NEGR1: variants seen among roughly 807,000 people sequenced by gnomAD.
The protein encoded by NEGR1 is IgLON family member 4.
A neutral mutation model predicts 40.9 loss-of-function variants in NEGR1; 10 were observed. The ratio of observed to expected loss-of-function variants is 0.24; its 90% CI spans 0.15 to 0.42. The LOEUF (loss-of-function observed/expected upper bound fraction) is 0.42. NEGR1 is among the 10% of genes least tolerant of loss of function. NEGR1 has a pLI of 1.00. For missense variants in NEGR1, 352 were observed against 438.9 expected (o/e 0.80, Z 1.77); for synonymous variants, 185 against 166.8 (o/e 1.11, Z -0.84).
chr1:71,994,919 C>T (rs990164832), intron 1 of NEGR1, among the ~76,000 whole-genome samples: 4 of 149,710 alleles, frequency 2.7e-5, no homozygotes, highest in African/African-American at 9.9e-5. Flanking sequence ...ATCAAACTTC[C>T]TGCCAGGCAT....
chr1:71,870,188 T>C (rs1369219064), intron 2 of NEGR1, among the ~76,000 whole-genome samples: 3 of 152,158 alleles, frequency 2.0e-5, no homozygotes, highest in Non-Finnish European at 2.9e-5. Flanking sequence ...CCTGGATAGC[T>C]TTTATGAAGT....
intron 1 of NEGR1, among the ~76,000 whole-genome samples, chr1:72,025,235 CACA>C (rs1333113939): frequency 6.6e-6 from 1 of 152,082 alleles, no homozygotes; most frequent in Non-Finnish European, 1.5e-5. Context: ...TCAATCTATT[CACA>C]ACATTTAAAA....
At chr1:71,455,080 T>C (rs909032746) in intron 6 of NEGR1, among the ~76,000 whole-genome samples, 1 of 152,200 alleles carries the variant, frequency 6.6e-6, no homozygotes, top group Non-Finnish European at 1.5e-5. Context: ...AAATGATTCA[T>C]TGAGTCCAAT....
chr1:71,629,778 T>A (rs1461172128), intron 4 of NEGR1, among the ~76,000 whole-genome samples: 1 of 151,962 alleles, frequency 6.6e-6, no homozygotes, highest in African/African-American at 2.4e-5. Context: ...GGATACAAAA[T>A]CAATGTGCAA....
intron 6 of NEGR1, among the ~76,000 whole-genome samples, chr1:71,500,400 T>C (rs964784983): frequency 6.6e-6 from 1 of 152,052 alleles, no homozygotes; most frequent in African/African-American, 2.4e-5. Context: ...GTTTTTATTA[T>C]TTAATAAGAT....
At chr1:72,120,672 C>A (rs1447475399) in intron 1 of NEGR1, among the ~76,000 whole-genome samples, 3 of 152,040 alleles carry the variant, frequency 2.0e-5, no homozygotes, top group East Asian at 1.9e-4. Flanking sequence ...ACCTCCACCC[C>A]ACAACAGTCC....
At position 71,407,432 on chromosome 1, in the gene NEGR1, A is replaced by G; in HGVS notation, c.*14T>C. On this transcript the variant is annotated 3_prime_UTR_variant, in exon 7 of 7. Coordinates refer to ENST00000357731, the MANE Select transcript of NEGR1 (RefSeq NM_173808.3). ...TTCAGAGAATCCTTAAAAGCCTTTTATGGGTCTTTGAATTTATTGTAGAAT... is the reference window on the plus strand; with the variant it reads ...TTCAGAGAATCCTTAAAAGCCTTTTGTGGGTCTTTGAATTTATTGTAGAAT... 2 of 1,610,640 alleles carry G rather than the reference A, an allele frequency of 1.2e-6. No individual in the cohort carries two copies. The highest frequency in any genetic ancestry group is 1.7e-6 in the Non-Finnish European group (2 of 1,177,808).
chr1:71,677,460 T>C (rs1652682022), intron 4 of NEGR1, among the ~76,000 whole-genome samples: 1 of 152,202 alleles, frequency 6.6e-6, no homozygotes, highest in Non-Finnish European at 1.5e-5. Flanking sequence ...TTTTATTTGA[T>C]TTCTGCTACA....
At chr1:72,172,541 A>G (rs1410702939) in intron 1 of NEGR1, among the ~76,000 whole-genome samples, 7 of 152,154 alleles carry the variant, frequency 4.6e-5, no homozygotes. Flanking sequence ...TTAAAAATCC[A>G]TTTTTCATCA....
intron 1 of NEGR1, among the ~76,000 whole-genome samples, chr1:72,277,602 G>T (rs773622977): frequency 6.6e-6 from 1 of 151,970 alleles, no homozygotes; most frequent in Non-Finnish European, 1.5e-5. Context: ...ATCAATATAG[G>T]TAACATTTAG....
intron 6 of NEGR1, among the ~76,000 whole-genome samples, chr1:71,447,212 T>C (rs1023082998): frequency 6.6e-6 from 1 of 152,160 alleles, no homozygotes; most frequent in African/African-American, 2.4e-5. Context: ...GTCATGAGCC[T>C]CTAATGCCTC....
intron 1 of NEGR1, among the ~76,000 whole-genome samples, chr1:71,963,261 G>C (rs1478669487): frequency 6.6e-6 from 1 of 151,990 alleles, no homozygotes; most frequent in Non-Finnish European, 1.5e-5. Context: ...TTATTTACAA[G>C]AGAAGACCTA....
At chr1:72,228,793 T>C (rs541318752) in intron 1 of NEGR1, among the ~76,000 whole-genome samples, 2 of 152,242 alleles carry the variant, frequency 1.3e-5, no homozygotes, top group South Asian at 4.1e-4. Context: ...AATAGTCTAA[T>C]TCTGTGGCAT....
At chr1:71,946,462 C>T (rs530555496) in intron 1 of NEGR1, among the ~76,000 whole-genome samples, 25 of 152,142 alleles carry the variant, frequency 1.6e-4, no homozygotes, top group African/African-American at 5.1e-4. Flanking sequence ...TAAAATAAAA[C>T]CGTAAGTTCT....
chr1:71,728,885 C>T (rs1471761240), intron 3 of NEGR1, among the ~76,000 whole-genome samples: 2 of 152,110 alleles, frequency 1.3e-5, no homozygotes, highest in African/African-American at 4.8e-5. Context: ...GATGGTCCAC[C>T]TGGGAGAGGA....
intron 6 of NEGR1, among the ~76,000 whole-genome samples, chr1:71,549,544 A>G (rs1648008252): frequency 6.6e-6 from 1 of 151,710 alleles, no homozygotes; most frequent in African/African-American, 2.4e-5. Flanking sequence ...TCTCTAAAAT[A>G]CTTTTTAAAA....
At chr1:71,955,333 G>A (rs550754526) in intron 1 of NEGR1, among the ~76,000 whole-genome samples, 116 of 152,230 alleles carry the variant, frequency 7.6e-4, no homozygotes, top group African/African-American at 2.7e-3. Context: ...ATTTAATGCA[G>A]AGAGGAATTC....
At chr1:72,110,380 C>A (rs1358877546) in intron 1 of NEGR1, among the ~76,000 whole-genome samples, 1 of 151,374 alleles carries the variant, frequency 6.6e-6, no homozygotes, top group African/African-American at 2.4e-5. Context: ...AAAGTGAATG[C>A]ACTTGACAAC....
intron 1 of NEGR1, among the ~76,000 whole-genome samples, chr1:72,218,264 C>G (rs1467486024): frequency 6.6e-6 from 1 of 151,788 alleles, no homozygotes; most frequent in Non-Finnish European, 1.5e-5. Context: ...TTAGCCAGAT[C>G]TATACATATG....
Sources: allele counts gnomAD v4.1 joint callset (sites outside exome capture counted in the v4.1 genomes callset), GRCh38; gene constraint gnomAD v4.1.1; transcripts MANE v1.5; gene names NCBI Gene and HGNC (gene_info 2026-07-23, HGNC 2026-07-21).